Variants in CNST observed in about 807,000 individuals in gnomAD.
CNST encodes the protein consortin, connexin sorting protein.
A neutral mutation model predicts 72.4 loss-of-function variants in CNST; 39 were observed. That is an observed-to-expected ratio of 0.54 (90% confidence interval 0.42 to 0.70). The LOEUF is 0.70. Among genes scored for constraint, CNST ranks in the 30% least tolerant of loss-of-function variants. CNST has a pLI of 0.00. For synonymous variants in CNST, 332 were observed against 320.1 expected (o/e 1.04, Z -0.40); for missense variants, 871 against 868.5 (o/e 1.00, Z -0.04).
At position 246,621,544 on chromosome 1, in the gene CNST, G is replaced by A. The variant is rs772250541; in HGVS notation, c.495G>A (p.Ala165=). The A allele has an allele frequency of 2.7e-5, 43 of 1,614,024 alleles. 1 individual carries two copies. The highest frequency in any genetic ancestry group is 3.1e-5 in the Non-Finnish European group (36 of 1,180,006). Residue 165 remains alanine, a synonymous_variant, in exon 3 of 11, where the codon GCG becomes GCA. Coordinates refer to ENST00000366513, the MANE Select transcript of CNST (RefSeq NM_152609.3). ...TAAATGCTAATGAGCAGCCAGAGGC[G>A]CCAAAGCTTGTTCTGCAGTCTCTGT... ...AEVNANEQPE[A]PKLVLQSLFS...
intron 9 of CNST, among the ~76,000 whole-genome samples, chr1:246,656,061 A>G (rs184555618): frequency 6.6e-6 from 1 of 152,342 alleles, no homozygotes; most frequent in Non-Finnish European, 1.5e-5. Context: ...GTCATATACT[A>G]TAATAATATG....
chr1:246,621,668 G>A (rs754873017), intron 3 of CNST, 34 bp downstream of exon 3: 31 of 1,547,510 alleles, frequency 2.0e-5, no homozygotes, highest in Non-Finnish European at 2.6e-5. Context: ...TCAGCCTCAC[G>A]AAAATTCCCC....
At chr1:246,628,631 A>T (rs1263667940) in intron 3 of CNST, among the ~76,000 whole-genome samples, 1 of 152,184 alleles carries the variant, frequency 6.6e-6, no homozygotes, top group Admixed American at 6.5e-5. Flanking sequence ...CAGGTTTCAT[A>T]TAGAAAATCG....
chr1:246,600,806 T>G (rs769440922), intron 2 of CNST, among the ~76,000 whole-genome samples: 1 of 152,164 alleles, frequency 6.6e-6, no homozygotes, highest in South Asian at 2.1e-4. Flanking sequence ...TGGCTAGAGA[T>G]ACAGATTTGG....
intron 1 of CNST, among the ~76,000 whole-genome samples, chr1:246,582,519 T>TA (rs1279596141): frequency 6.6e-6 from 1 of 152,124 alleles, no homozygotes; most frequent in Non-Finnish European, 1.5e-5. Flanking sequence ...TGGCCGGGCT[T>TA]ACGTTTTGTA....
chr1:246,615,135 A>G (rs1663592935), intron 2 of CNST, among the ~76,000 whole-genome samples: 1 of 152,212 alleles, frequency 6.6e-6, no homozygotes, highest in Admixed American at 6.5e-5. Flanking sequence ...TTCTCAATCA[A>G]GGTAATTTCC....
rs141284187 is a variant in CNST at position 246,647,647 on chromosome 1, T to C, written c.1446T>C (p.Asn482=). ...ACCAACTTGAGAACAATGAATTAAATGAGCTGCAGCAGCCTGATCTTACAG... is the reference window on the plus strand; with the variant it reads ...ACCAACTTGAGAACAATGAATTAAACGAGCTGCAGCAGCCTGATCTTACAG... ...PTDQLENNEL[N]ELQQPDLTDS... is the part of the protein sequence containing the mutation. The change falls in exon 9 of 11, where the codon AAT becomes AAC. Residue 482 remains asparagine (N), a synonymous_variant. Transcript: ENST00000366513. The C allele has an allele frequency of 1.9e-6, 3 of 1,614,054 alleles. No homozygotes were observed. In the African/African-American group the frequency reaches 4.0e-5, roughly 22 times the overall value.
At chr1:246,624,729 T>C (rs3124078) in intron 3 of CNST, among the ~76,000 whole-genome samples, 66,702 of 152,184 alleles carry the variant, frequency 0.44, 16,313 homozygotes, top group Non-Finnish European at 0.54. Context: ...ATGGTATATT[T>C]CACCTAGATT....
At chr1:246,662,853 A>G (rs569490423) in intron 10 of CNST, among the ~76,000 whole-genome samples, 4 of 152,330 alleles carry the variant, frequency 2.6e-5, no homozygotes, top group Admixed American at 6.5e-5. Flanking sequence ...CTACATGTCA[A>G]GTGCCCAACA....
At chr1:246,589,811 C>G (rs1419503779) in intron 1 of CNST, among the ~76,000 whole-genome samples, 1 of 152,172 alleles carries the variant, frequency 6.6e-6, no homozygotes, top group Admixed American at 6.5e-5. Context: ...GCCATTCTAA[C>G]TGGTGTGAGA....
chr1:246,610,437 G>A (rs1663237115), intron 2 of CNST, among the ~76,000 whole-genome samples: 2 of 152,122 alleles, frequency 1.3e-5, no homozygotes, highest in Admixed American at 1.3e-4. Flanking sequence ...TCTTTGCCCA[G>A]GAAATTCAAT....
In CNST at chr1:246,647,512, A is replaced by G. The variant is rs1454913729; in HGVS notation, c.1311A>G (p.Pro437=). Reference sequence around the variant, plus strand: ...CAAAGACAGAGCCGTTGATTTCACCAGGCTGTGACCGTATACCTCCTGCAT... The same window carrying G: ...CAAAGACAGAGCCGTTGATTTCACCGGGCTGTGACCGTATACCTCCTGCAT... ...SKSKTEPLIS[P]GCDRIPPALI... The change falls in exon 9 of 11, where the codon CCA becomes CCG. Residue 437 remains proline, a synonymous_variant. Transcript: ENST00000366513. The G allele has an allele frequency of 1.9e-6, 3 of 1,614,186 alleles. No homozygotes were observed. Among genetic ancestry groups the G allele is most frequent in the South Asian group, 2.2e-5 (2 of 91,084 alleles).
At chr1:246,593,142 A>G (rs987492619) in intron 2 of CNST, among the ~76,000 whole-genome samples, 3 of 152,192 alleles carry the variant, frequency 2.0e-5, no homozygotes, top group Non-Finnish European at 4.4e-5. Context: ...TTGAAGTAAA[A>G]TACAAAACTT....
At chr1:246,577,563 G>A (rs146413944) in intron 1 of CNST, among the ~76,000 whole-genome samples, 5 of 152,142 alleles carry the variant, frequency 3.3e-5, no homozygotes, top group African/African-American at 1.2e-4. Flanking sequence ...GGTAAAGGTG[G>A]TCATAATTCT....
chr1:246,635,742 A>G (rs913670714), intron 6 of CNST, among the ~76,000 whole-genome samples: 22 of 152,182 alleles, frequency 1.4e-4, no homozygotes, highest in Non-Finnish European at 2.6e-4. Flanking sequence ...TCTATTTAGC[A>G]TATATGTGGG....
intron 9 of CNST, among the ~76,000 whole-genome samples, chr1:246,650,194 C>G (rs1666373136): frequency 6.6e-6 from 1 of 152,180 alleles, no homozygotes; most frequent in African/African-American, 2.4e-5. Flanking sequence ...ATTCCCTCCT[C>G]AGACTCAAAA....
intron 4 of CNST, among the ~76,000 whole-genome samples, chr1:246,633,560 G>A (rs767471851): frequency 1.2e-4 from 18 of 151,972 alleles, no homozygotes; most frequent in Non-Finnish European, 2.1e-4. Flanking sequence ...GGCTCACATG[G>A]TGAAACCCCG....
chr1:246,653,269 T>G (rs1350283178), intron 9 of CNST, among the ~76,000 whole-genome samples: 1 of 152,208 alleles, frequency 6.6e-6, no homozygotes, highest in African/African-American at 2.4e-5. Flanking sequence ...TAGTTATTTC[T>G]TGACTAGATA....
At chr1:246,584,929 A>G (rs1322891786) in intron 1 of CNST, among the ~76,000 whole-genome samples, 2 of 152,172 alleles carry the variant, frequency 1.3e-5, no homozygotes, top group Non-Finnish European at 2.9e-5. Flanking sequence ...TGAATATTAC[A>G]TATGAAAAGT....
Sources: allele counts gnomAD v4.1 joint callset (sites outside exome capture counted in the v4.1 genomes callset), GRCh38; gene constraint gnomAD v4.1.1; transcripts MANE v1.5; gene names NCBI Gene and HGNC (gene_info 2026-07-23, HGNC 2026-07-21).